Variants in PAG1 observed in about 807,000 individuals in gnomAD.
The protein encoded by PAG1 is phosphoprotein associated with glycosphingolipid-enriched microdomains 1.
A neutral mutation model predicts 31.7 loss-of-function variants in PAG1; 23 were observed. The observed-to-expected ratio is 0.73, with a 90% confidence interval of 0.52 to 1.03. The LOEUF (loss-of-function observed/expected upper bound fraction) is 1.03, where lower values mean the gene tolerates loss of function less well. PAG1 is among the 50% of genes least tolerant of loss of function. PAG1 has a pLI of 0.00. For missense variants in PAG1, 473 were observed against 540.7 expected, an observed-to-expected ratio of 0.87 and a Z score of 1.24; for synonymous variants, 214 against 210.3, an observed-to-expected ratio of 1.02 and a Z score of -0.15.
At chr8:81,087,824 C>T (rs577815989) in intron 1 of PAG1, among the ~76,000 whole-genome samples, 1 of 152,144 alleles carries the variant, frequency 6.6e-6, no homozygotes, top group Non-Finnish European at 1.5e-5. Flanking sequence ...AGGCACCCTG[C>T]GCTGGGGCCA....
intron 3 of PAG1, among the ~76,000 whole-genome samples, chr8:81,019,881 CA>C (rs1179520436): frequency 6.6e-6 from 1 of 152,188 alleles, no homozygotes; most frequent in Non-Finnish European, 1.5e-5. Context: ...CACAGACACT[CA>C]ACACCAGCCT....
intron 3 of PAG1, among the ~76,000 whole-genome samples, chr8:81,002,767 T>TA (rs1165489439): frequency 6.6e-6 from 1 of 152,236 alleles, no homozygotes; most frequent in East Asian, 1.9e-4. Flanking sequence ...TCTTGATTCA[T>TA]AAAAATAGAA....
intron 5 of PAG1, among the ~76,000 whole-genome samples, chr8:80,988,093 G>A (rs889069931): frequency 6.6e-6 from 1 of 152,132 alleles, no homozygotes; most frequent in Non-Finnish European, 1.5e-5. Flanking sequence ...AGAATCTTAG[G>A]GGCACTGGGA....
At chr8:81,094,813 G>C (rs899120645) in intron 1 of PAG1, among the ~76,000 whole-genome samples, 2 of 152,158 alleles carry the variant, frequency 1.3e-5, no homozygotes, top group Admixed American at 1.3e-4. Flanking sequence ...TCTGAATTTT[G>C]CAGGGTTGTT....
intron 1 of PAG1, among the ~76,000 whole-genome samples, chr8:81,083,899 G>A (rs1380616183): frequency 6.6e-6 from 1 of 152,098 alleles, no homozygotes; most frequent in East Asian, 1.9e-4. Context: ...GCCAGGCGTG[G>A]TGGTGCATGC....
At chr8:81,028,036 C>G (rs553823620) in intron 3 of PAG1, among the ~76,000 whole-genome samples, 1 of 152,244 alleles carries the variant, frequency 6.6e-6, no homozygotes, top group East Asian at 1.9e-4. Context: ...GGCTCTCCCA[C>G]TCTCTAGCTC....
intron 2 of PAG1, among the ~76,000 whole-genome samples, chr8:81,052,772 G>A (rs974295412): frequency 3.9e-5 from 6 of 152,162 alleles, no homozygotes; most frequent in African/African-American, 1.4e-4. Flanking sequence ...TTGCTCAGAG[G>A]ATTAGAATTA....
At chr8:81,051,520 A>G (rs1402779388) in intron 2 of PAG1, among the ~76,000 whole-genome samples, 1 of 152,222 alleles carries the variant, frequency 6.6e-6, no homozygotes, top group East Asian at 1.9e-4. Flanking sequence ...CTAATTTATA[A>G]AAAGACTTCA....
At chr8:81,079,089 A>C (rs1275328958) in intron 1 of PAG1, among the ~76,000 whole-genome samples, 1 of 152,100 alleles carries the variant, frequency 6.6e-6, no homozygotes. Flanking sequence ...TTCCAGTAAC[A>C]ATAACATAGA....
chr8:80,986,217 C>T (rs572485023), intron 6 of PAG1, among the ~76,000 whole-genome samples: 5 of 152,268 alleles, frequency 3.3e-5, no homozygotes, highest in South Asian at 2.1e-4. Context: ...AAAATGACAA[C>T]GGATCCCCCA....
rs541861584 is a variant in PAG1, at chr8:81,048,740, C to T, written c.-174-18651G>A. 1.7e-4 allele frequency among the ~76,000 whole-genome samples: 26 copies of T among 152,244 alleles called. No homozygotes were observed. The East Asian group carries it at 3.9e-3, about 23-fold the overall frequency. ...TTACATCAACGACGCTAGCATCATT[C>T]GTATATATAAATGTACATACATTTA... On this transcript the variant is annotated intron_variant, in intron 2 of 8. Transcript: ENST00000220597.
chr8:81,079,985 G>A (rs1809239584), intron 1 of PAG1, among the ~76,000 whole-genome samples: 1 of 151,946 alleles, frequency 6.6e-6, no homozygotes, highest in Non-Finnish European at 1.5e-5. Context: ...GCCCAGGCTT[G>A]TCTCAAACTC....
intron 8 of PAG1, 97 bp downstream of exon 8, chr8:80,980,338 A>T (rs1418840902): frequency 8.4e-6 from 6 of 711,324 alleles, no homozygotes; most frequent in Admixed American, 2.2e-5. Flanking sequence ...AGAATATTTC[A>T]GCTCTTTCAA....
chr8:81,019,257 A>T (rs1056841078), intron 3 of PAG1, among the ~76,000 whole-genome samples: 7 of 152,188 alleles, frequency 4.6e-5, no homozygotes, highest in Non-Finnish European at 1.0e-4. Flanking sequence ...AAAAAGAAAA[A>T]CCCATTTTCT....
intron 1 of PAG1, among the ~76,000 whole-genome samples, chr8:81,087,145 C>G (rs1809372591): frequency 6.6e-6 from 1 of 152,104 alleles, no homozygotes; most frequent in Non-Finnish European, 1.5e-5. Context: ...GAGATGGAGA[C>G]CAGCCTGACC....
intron 3 of PAG1, among the ~76,000 whole-genome samples, chr8:81,000,522 T>C (rs185780347): frequency 6.6e-6 from 1 of 152,120 alleles, no homozygotes; most frequent in Non-Finnish European, 1.5e-5. Context: ...CTGAATCGAT[T>C]GTAAGGACTC....
rs117664636 is a variant in PAG1, at chr8:80,995,760, T to C, written c.-80-2453A>G. ...CCAGATATCCATTCATGAAACCTAG[T>C]GTGGAATCGCCAACAACTCTCTCCT... On this transcript the variant is annotated intron_variant, in intron 3 of 8. Coordinates refer to ENST00000220597, the MANE Select transcript of PAG1 (RefSeq NM_018440.4). Among the ~76,000 whole-genome samples, 952 of 152,342 alleles carry C rather than the reference T, an allele frequency of 6.2e-3. 7 individuals are homozygous for C. Among genetic ancestry groups the C allele is most frequent in the South Asian group, 0.014 (66 of 4,826 alleles).
At chr8:81,056,200 A>C (rs1393709324) in intron 2 of PAG1, among the ~76,000 whole-genome samples, 1 of 152,168 alleles carries the variant, frequency 6.6e-6, no homozygotes, top group East Asian at 1.9e-4. Context: ...GGCTTTCTTC[A>C]TAGAATTGGA....
At chr8:81,018,443 T>A (rs1243500990) in intron 3 of PAG1, among the ~76,000 whole-genome samples, 1 of 152,244 alleles carries the variant, frequency 6.6e-6, no homozygotes, top group African/African-American at 2.4e-5. Context: ...GTGACTCACA[T>A]GGCAATATGG....
Sources: gnomAD v4.1 joint callset for allele counts (sites outside exome capture counted in the v4.1 genomes callset) on GRCh38, gnomAD v4.1.1 for gene constraint, MANE v1.5 for transcripts, NCBI Gene and HGNC (gene_info 2026-07-23, HGNC 2026-07-21) for gene names.